Variants in LPCAT2 observed in about 807,000 individuals in gnomAD.
LPCAT2 encodes the protein 1-AGP acyltransferase 11.
Under a neutral mutation model 64.7 loss-of-function variants are expected in LPCAT2, and 58 were observed. The observed-to-expected ratio is 0.90, with a 90% CI of 0.73 to 1.12. LPCAT2 has a LOEUF of 1.12. Ranked by LOEUF, LPCAT2 falls within the 50% of genes most tolerant of loss-of-function variation. The pLI, the probability that LPCAT2 is intolerant of heterozygous loss-of-function variation, is 0.00. For synonymous variants in LPCAT2, 252 were observed against 245.3 expected (o/e 1.03, Z -0.26); for missense variants, 579 against 669.8 (o/e 0.86, Z 1.50).
rs1403394156 is a variant in LPCAT2, at chr16:55,509,109, T to A, written c.-73T>A. 1.6e-6 allele frequency: 2 copies of A among 1,231,086 alleles called. No homozygotes were observed. The highest frequency in any genetic ancestry group is 1.6e-5 in the African/African-American group (1 of 63,842). 76.3% of individuals were successfully genotyped at this position (1,231,086 alleles called of 1,614,324 possible). A position where few individuals can be genotyped will look rare whatever the true frequency, so the allele number is the denominator to read the frequency against. Reference sequence around the variant, plus strand: ...GCGTCGCCCTAGGCTGGGACTCTAGTAGGTCTTCGGCTCAGTTTTGGCTGC... The same window carrying A: ...GCGTCGCCCTAGGCTGGGACTCTAGAAGGTCTTCGGCTCAGTTTTGGCTGC... On this transcript the variant is annotated 5_prime_UTR_variant, in exon 1 of 14. Transcript: ENST00000262134.
intron 11 of LPCAT2, among the ~76,000 whole-genome samples, chr16:55,551,948 C>CA (rs1285835793): frequency 9.3e-5 from 14 of 150,630 alleles, no homozygotes; most frequent in South Asian, 4.2e-4. Flanking sequence ...ACCCTATTCT[C>CA]AAAAAAAAAT....
Position 55,574,721 on chromosome 16 carries a change from G to T in LPCAT2, c.1306G>T (p.Ala436Ser), listed in dbSNP as rs748510238. The change falls in exon 12 of 14, where the codon GCA (alanine) becomes TCA (serine). Residue 436 changes from alanine to serine, a missense_variant. Physicochemically the swap from Ala to Ser is moderately conservative, Grantham distance 99 (BLOSUM62 1). Transcript: ENST00000262134. ...CAACACAGAGGAGATCATCCAGGTG[G>T]CATTTAAGGTACTGTCAGCCCCATT... ...PSNTEEIIQV[A>S]FKLFDVDEDG... The T allele has an allele frequency of 1.4e-5, 23 of 1,612,872 alleles. No homozygotes were observed. Among genetic ancestry groups the T allele is most frequent in the African/African-American group, 1.3e-5 (1 of 74,830 alleles).
rs61739979 is a variant in LPCAT2, at chr16:55,528,447, G to C, written c.382G>C (p.Val128Leu). The C allele has an allele frequency of 8.1e-6, 13 of 1,614,002 alleles. No individual in the cohort carries two copies. Among genetic ancestry groups the C allele is most frequent in the South Asian group, 1.1e-5 (1 of 91,082 alleles). Residue 128 changes from valine to leucine, a missense_variant, in exon 3 of 14, where the codon GTA becomes CTA. Val to Leu is a conservative substitution (Grantham distance 32). Coordinates refer to ENST00000262134, the MANE Select transcript of LPCAT2 (RefSeq NM_017839.5). Reference protein sequence around the residue: ...MFFSMGFIVAVKGKIASPLEA... With the variant: ...MFFSMGFIVALKGKIASPLEA... ...CTTTTCAATGGGATTTATAGTTGCTGTAAAAGGAAAGATTGCAAGTCCTTT... is the reference window on the plus strand; with the variant it reads ...CTTTTCAATGGGATTTATAGTTGCTCTAAAAGGAAAGATTGCAAGTCCTTT...
chr16:55,570,029 TAATC>T (rs1963751828), intron 11 of LPCAT2, among the ~76,000 whole-genome samples: 2 of 152,206 alleles, frequency 1.3e-5, no homozygotes, highest in South Asian at 4.1e-4. Flanking sequence ...TTAAGTAATT[TAATC>T]AATGTAAATT....
At chr16:55,531,012 G>A (rs771433676) in intron 4 of LPCAT2, among the ~76,000 whole-genome samples, 12 of 151,994 alleles carry the variant, frequency 7.9e-5, no homozygotes, top group Non-Finnish European at 1.6e-4. Flanking sequence ...CCCATTAATC[G>A]TTAGTAGTTT....
At chr16:55,567,497 T>C (rs1474638171) in intron 11 of LPCAT2, 1 of 1,612,386 alleles carries the variant, frequency 6.2e-7, no homozygotes, top group Admixed American at 1.7e-5. Flanking sequence ...TGACCATGTA[T>C]TCCTGAAGTG....
At chr16:55,560,502 T>C (rs1963623951) in intron 11 of LPCAT2, among the ~76,000 whole-genome samples, 1 of 152,098 alleles carries the variant, frequency 6.6e-6, no homozygotes, top group African/African-American at 2.4e-5. Flanking sequence ...TCTTTAAAAG[T>C]TGTAGAACCA....
At chr16:55,513,882 G>A (rs1962969755) in intron 1 of LPCAT2, among the ~76,000 whole-genome samples, 1 of 152,124 alleles carries the variant, frequency 6.6e-6, no homozygotes, top group South Asian at 2.1e-4. Context: ...AGTGCAAATA[G>A]CCTTCTCTCA....
chr16:55,543,717 C>A (rs1173583526), intron 8 of LPCAT2, among the ~76,000 whole-genome samples: 3 of 152,060 alleles, frequency 2.0e-5, no homozygotes, highest in African/African-American at 7.2e-5. Context: ...AAATAGAGAG[C>A]CACACACAGA....
intron 13 of LPCAT2, among the ~76,000 whole-genome samples, chr16:55,581,275 A>G (rs1221387252): frequency 6.6e-6 from 1 of 152,190 alleles, no homozygotes; most frequent in African/African-American, 2.4e-5. Context: ...AAACAGACTC[A>G]TGTAGATTAA....
chr16:55,519,158 C>T (rs1963055823), intron 1 of LPCAT2, among the ~76,000 whole-genome samples: 1 of 151,976 alleles, frequency 6.6e-6, no homozygotes, highest in Admixed American at 6.6e-5. Context: ...AAAATGAAGA[C>T]ATTTTCAGAT....
At chr16:55,525,067 A>T (rs1365038234) in intron 1 of LPCAT2, among the ~76,000 whole-genome samples, 1 of 152,004 alleles carries the variant, frequency 6.6e-6, no homozygotes, top group Non-Finnish European at 1.5e-5. Flanking sequence ...AAAACAATGT[A>T]TTTACTTCGT....
At chr16:55,535,333 C>T (rs868564180) in intron 7 of LPCAT2, among the ~76,000 whole-genome samples, 2 of 152,128 alleles carry the variant, frequency 1.3e-5, no homozygotes, top group African/African-American at 4.8e-5. Flanking sequence ...CGTAATCCAA[C>T]CAACTTCTGA....
At chr16:55,513,612 CTTAG>C (rs1332719897) in intron 1 of LPCAT2, among the ~76,000 whole-genome samples, 2 of 152,134 alleles carry the variant, frequency 1.3e-5, no homozygotes, top group East Asian at 1.9e-4. Flanking sequence ...AGTGCTGACT[CTTAG>C]TTAGAATAGT....
intron 1 of LPCAT2, among the ~76,000 whole-genome samples, chr16:55,514,890 T>TTGTGTGTGTGTGTGTG (rs35295405): frequency 5.0e-5 from 7 of 141,328 alleles, no homozygotes; most frequent in African/African-American, 1.8e-4. Flanking sequence ...ATGCAATGCA[T>TTGTGTGTGTGTGTGTG]TGTGTGTGTG....
chr16:55,541,635 A>G (rs2142391810), intron 8 of LPCAT2: 2 of 238,736 alleles, frequency 8.4e-6, no homozygotes, highest in East Asian at 1.1e-4. Context: ...AAGGGTATTA[A>G]CTAGAGTTTT....
chr16:55,562,310 C>T (rs1169067559), intron 11 of LPCAT2, among the ~76,000 whole-genome samples: 1 of 151,914 alleles, frequency 6.6e-6, no homozygotes, highest in African/African-American at 2.4e-5. Context: ...GAGACTCAGC[C>T]TGTAGTCAGG....
intron 8 of LPCAT2, chr16:55,541,866 G>A: frequency 7.8e-7 from 1 of 1,287,360 alleles, no homozygotes; most frequent in Non-Finnish European, 1.0e-6. Flanking sequence ...GAAGGAAGCA[G>A]CAAGCATTGT....
At chr16:55,509,991 C>CTTTTTTTTT (rs57496150) in intron 1 of LPCAT2, among the ~76,000 whole-genome samples, 3,856 of 102,252 alleles carry the variant, frequency 0.038, 405 homozygotes, top group Non-Finnish European at 0.044. Context: ...TTGAAGAAGT[C>CTTTTTTTTT]TTTTTTTTTT....
Sources: allele counts gnomAD v4.1 joint callset (sites outside exome capture counted in the v4.1 genomes callset), GRCh38; gene constraint gnomAD v4.1.1; transcripts MANE v1.5; gene names NCBI Gene and HGNC (gene_info 2026-07-23, HGNC 2026-07-21).